The following ARHGEF15 variants were observed in gnomAD, a reference collection of about 807,000 sequenced individuals.
ARHGEF15 encodes Rho guanine nucleotide exchange factor 15.
Under a neutral mutation model 79.7 loss-of-function variants are expected in ARHGEF15, and 58 were observed. The observed-to-expected ratio is 0.73, with a 90% confidence interval of 0.59 to 0.91. ARHGEF15 has a LOEUF of 0.91. ARHGEF15 is among the 40% of genes least tolerant of loss of function. The probability of loss-of-function intolerance (pLI) is 0.00; values close to 1 mark genes in which losing one functional copy is unlikely to be tolerated. For missense variants in ARHGEF15, 1,012 were observed against 1,108.1 expected, an observed-to-expected ratio of 0.91 and a Z score of 1.23; for synonymous variants, 442 against 456.0, an observed-to-expected ratio of 0.97 and a Z score of 0.39.
At chr17:8,311,968 C>T in intron 1 of ARHGEF15, 23 bp from the exon 2 acceptor site, 8 of 1,452,486 alleles carry the variant, frequency 5.5e-6, no homozygotes, top group Non-Finnish European at 7.3e-6. Context: ...AAGGGTCTTT[C>T]TCTTTCCCTC....
intron 9 of ARHGEF15, among the ~76,000 whole-genome samples, chr17:8,317,833 G>A (rs1567678316): frequency 2.6e-5 from 4 of 152,148 alleles, no homozygotes; most frequent in Admixed American, 6.5e-5. Flanking sequence ...TTGGGAGGCC[G>A]AGGCGGGTGG....
Position 8,312,382 on chromosome 17 carries a change from C to A in ARHGEF15, c.343C>A (p.Arg115=). The stretch of plus-strand genomic sequence containing the variant: ...CTCCGCCTCCCCAGAACCTGCTCCC[C>A]GGTCTCCAGTCCCCCCACCCAAGCC... The part of the protein sequence containing the change: ...RRSASPEPAP[R]SPVPPPKPSG... The change falls in exon 2 of 16, where the codon CGG becomes AGG. Residue 115 remains arginine (R), a synonymous_variant. Transcript: ENST00000361926. The A allele has an allele frequency of 1.9e-6, 3 of 1,609,236 alleles. No individual in the cohort carries two copies. Among genetic ancestry groups the A allele is most frequent in the Non-Finnish European group, 2.5e-6 (3 of 1,177,668 alleles).
In ARHGEF15 at chr17:8,320,839, C is replaced by T. The variant is rs1262569468; in HGVS notation, c.2375-3C>T. ...ATTGGAGCCTCTGTCTCTCTTCCCC[C>T]AGGTTGGCTGAAGGGGCTTCCTGGG... On this transcript the variant is annotated splice_region_variant and splice_polypyrimidine_tract_variant and intron_variant, in intron 15 of 15. Coordinates refer to ENST00000361926, the MANE Select transcript of ARHGEF15 (RefSeq NM_173728.4). The T allele has an allele frequency of 6.2e-7, 1 of 1,612,190 alleles. No homozygotes were observed. Among genetic ancestry groups the T allele is most frequent in the South Asian group, 1.1e-5 (1 of 90,994 alleles).
Position 8,318,390 on chromosome 17 carries a change from A to G in ARHGEF15, c.1708A>G (p.Ile570Val). 6.2e-7 allele frequency: 1 copy of G among 1,613,784 alleles called. No homozygotes were observed. The highest frequency in any genetic ancestry group is 1.1e-5 in the South Asian group (1 of 91,062). ...CACCCTTCCTCCTTGTCCCCAGAATATCCTGCGCCAGACAGAAGAGGGGTC... is the reference window on the plus strand; with the variant it reads ...CACCCTTCCTCCTTGTCCCCAGAATGTCCTGCGCCAGACAGAAGAGGGGTC... ...ITRLRMLLQN[I>V]LRQTEEGSSR... is the part of the protein sequence containing the mutation. The change falls in exon 10 of 16, where the codon ATC becomes GTC. Residue 570 changes from isoleucine (I) to valine (V), a missense_variant. Around this residue, in one of 3 missense-constraint regions of ARHGEF15, gnomAD observed 818 missense variants for 882.5 expected, o/e 0.93. Transcript: ENST00000361926. The surrounding 1 kb of genome is among the most constrained non-coding windows in gnomAD (Gnocchi z 5.0).
In ARHGEF15 at chr17:8,321,912, T is replaced by C. The variant is rs185275516; in HGVS notation, c.*919T>C. 2.0e-5 allele frequency: 3 copies of C among 152,720 alleles called. No individual in the cohort carries two copies. Among genetic ancestry groups the C allele is most frequent in the Non-Finnish European group, 2.9e-5 (2 of 68,074 alleles). The allele number at this position is 152,720 out of a possible 1,614,324, so 9.5% of individuals were successfully genotyped here. A position where few individuals can be genotyped will look rare whatever the true frequency, so the allele number is the denominator to read the frequency against. Reference sequence around the variant, plus strand: ...AGCCCAAGGGACTGAAGATGGCCAGTAGCTGGGTCCTGAGGCCCCTGAAGT... The same window carrying C: ...AGCCCAAGGGACTGAAGATGGCCAGCAGCTGGGTCCTGAGGCCCCTGAAGT... On this transcript the variant is annotated 3_prime_UTR_variant, in exon 16 of 16. Coordinates refer to ENST00000361926, the MANE Select transcript of ARHGEF15 (RefSeq NM_173728.4).
At position 8,320,123 on chromosome 17, in the gene ARHGEF15, A is replaced by G. The variant is rs184513366; in HGVS notation, c.2374+520A>G. On this transcript the variant is annotated intron_variant, in intron 15 of 15. Transcript: ENST00000361926. ...CAATAAATATTTATTAAGCACCTAC[A>G]AAGTGCCACTCGCTGTTCTAGGGAC... Among the ~76,000 whole-genome samples, 399 of 152,216 alleles carry G rather than the reference A, an allele frequency of 2.6e-3. 3 individuals are homozygous for G. Among genetic ancestry groups the G allele is most frequent in the African/African-American group, 9.1e-3 (377 of 41,532 alleles).
In ARHGEF15 at chr17:8,315,742, C is replaced by T. The variant is rs746829126; in HGVS notation, c.1422-13C>T. On this transcript the variant is annotated splice_polypyrimidine_tract_variant and intron_variant, in intron 7 of 15. Transcript: ENST00000361926. The surrounding 1 kb of genome is among the most constrained non-coding windows in gnomAD (Gnocchi z 4.3). ...CTGCCCCGCCCCATTGCTTGCTTCCCCAATTCCTTCAGGTTTCTAGCAACG... is the reference window on the plus strand; with the variant it reads ...CTGCCCCGCCCCATTGCTTGCTTCCTCAATTCCTTCAGGTTTCTAGCAACG... 4 of 1,609,568 alleles carry T rather than the reference C, an allele frequency of 2.5e-6. No individual in the cohort carries two copies. In the African/African-American group the frequency reaches 5.3e-5, roughly 22 times the overall value.
At position 8,312,209 on chromosome 17, in the gene ARHGEF15, T is replaced by C; in HGVS notation, c.170T>C (p.Met57Thr). ...AACTCCAATGATGCACCAACCCCAA[T>C]GTGCACCCCCATCTTCTGGGAGCCC... ...PRNSNDAPTPMCTPIFWEPPA... is the reference protein window; with the variant it reads ...PRNSNDAPTPTCTPIFWEPPA... Residue 57 changes from methionine to threonine, a missense_variant, in exon 2 of 16, where the codon ATG (methionine) becomes ACG (threonine). Physicochemically the swap from Met to Thr is moderately conservative, Grantham distance 81. Around this residue, in one of 3 missense-constraint regions of ARHGEF15, gnomAD observed 818 missense variants for 882.5 expected, o/e 0.93. Coordinates refer to ENST00000361926, the MANE Select transcript of ARHGEF15 (RefSeq NM_173728.4). The C allele has an allele frequency of 6.4e-7, 1 of 1,573,752 alleles. No homozygotes were observed. The highest frequency in any genetic ancestry group is 8.6e-7 in the Non-Finnish European group (1 of 1,156,796).
At position 8,313,116 on chromosome 17, in the gene ARHGEF15, T is replaced by C. The variant is rs771035247; in HGVS notation, c.796T>C (p.Tyr266His). The change falls in exon 3 of 16, where the codon TAC (tyrosine) becomes CAC (histidine). Residue 266 changes from tyrosine (Y) to histidine (H), a missense_variant. Coordinates refer to ENST00000361926, the MANE Select transcript of ARHGEF15 (RefSeq NM_173728.4). ...TCACCCTGCCGTTGTCCTCACATCCTACCGCTCCACTGCTGAGCGCAAACT... is the reference window on the plus strand; with the variant it reads ...TCACCCTGCCGTTGTCCTCACATCCCACCGCTCCACTGCTGAGCGCAAACT... Reference protein sequence around the residue: ...IGHPAVVLTSYRSTAERKLLP... With the variant: ...IGHPAVVLTSHRSTAERKLLP... 2 of 1,440,150 alleles carry C rather than the reference T, an allele frequency of 1.4e-6. No individual in the cohort carries two copies. The highest frequency in any genetic ancestry group is 2.8e-5 in the African/African-American group (2 of 70,952). 89.2% of individuals were successfully genotyped at this position (1,440,150 alleles called of 1,614,324 possible).
chr17:8,311,777 A>G (rs549886733), intron 1 of ARHGEF15, among the ~76,000 whole-genome samples: 1 of 151,800 alleles, frequency 6.6e-6, no homozygotes, highest in South Asian at 2.1e-4. Flanking sequence ...CACCCCCTAC[A>G]CAAACCACAC....
At position 8,313,504 on chromosome 17, in the gene ARHGEF15, A is replaced by T. The variant is rs531197696; in HGVS notation, c.938A>T (p.Asp313Val). Residue 313 changes from aspartate to valine, a missense_variant, in exon 4 of 16, where the codon GAC (aspartate) becomes GTC (valine). Asp to Val is a radical substitution (Grantham distance 152). Transcript: ENST00000361926. ...TCACTCTGGCTTCTCTCTCCAGGGG[A>T]CAGTCCTGATGAAGCTCCTCAGAAT... ...LLSEDGIQTGDSPDEAPQNTP... is the reference protein window; with the variant it reads ...LLSEDGIQTGVSPDEAPQNTP... 33 of 1,612,170 alleles carry T rather than the reference A, an allele frequency of 2.0e-5. 1 individual carries two copies. In the South Asian group the frequency reaches 3.5e-4, roughly 17 times the overall value.
In ARHGEF15 at chr17:8,315,032, T is replaced by C; in HGVS notation, c.1049-34T>C. On this transcript the variant is annotated intron_variant, in intron 5 of 15. Transcript: ENST00000361926. The surrounding 1 kb of genome is among the most constrained non-coding windows in gnomAD (Gnocchi z 4.3). Reference sequence around the variant, plus strand: ...GCAGTGGGGAAGGGTTTGGGAGCCCTGGGCTTCCCTGAAGTGCTATGTTTG... The same window carrying C: ...GCAGTGGGGAAGGGTTTGGGAGCCCCGGGCTTCCCTGAAGTGCTATGTTTG... 6.2e-7 allele frequency: 1 copy of C among 1,613,556 alleles called. No individual in the cohort carries two copies. The highest frequency in any genetic ancestry group is 1.1e-5 in the South Asian group (1 of 91,024).
At chr17:8,311,388 C>T (rs1231155494) in intron 1 of ARHGEF15, among the ~76,000 whole-genome samples, 1 of 152,076 alleles carries the variant, frequency 6.6e-6, no homozygotes, top group East Asian at 1.9e-4. Flanking sequence ...AGACGCAGGA[C>T]AGGAGAGACC....
Position 8,311,989 on chromosome 17 carries a change from A to C in ARHGEF15, c.-49-2A>C. 6.8e-7 allele frequency: 1 copy of C among 1,465,254 alleles called. No homozygotes were observed. Among genetic ancestry groups the C allele is most frequent in the Non-Finnish European group, 9.0e-7 (1 of 1,107,788 alleles). 90.8% of individuals were successfully genotyped at this position (1,465,254 alleles called of 1,614,324 possible). The stretch of plus-strand genomic sequence containing the variant: ...CTTTCTCTTTCCCTCCCTCCTCCTC[A>C]GGGGATGACTCCAGCAGAGCACCTC... On this transcript the variant is annotated splice_acceptor_variant, in intron 1 of 15. Coordinates refer to ENST00000361926, the MANE Select transcript of ARHGEF15 (RefSeq NM_173728.4). LOFTEE classifies it low-confidence loss of function (5UTR_SPLICE).
At chr17:8,311,362 G>A (rs1352361050) in intron 1 of ARHGEF15, among the ~76,000 whole-genome samples, 2 of 152,060 alleles carry the variant, frequency 1.3e-5, no homozygotes, top group Non-Finnish European at 2.9e-5. Flanking sequence ...AGACCCTAGG[G>A]CAGGCGGGGA....
chr17:8,315,878 G>A lies in ARHGEF15; in HGVS notation c.1545G>A (p.Gln515=). Residue 515 remains glutamine, a synonymous_variant, in exon 8 of 16, where the codon CAG becomes CAA. Coordinates refer to ENST00000361926, the MANE Select transcript of ARHGEF15 (RefSeq NM_173728.4). The surrounding 1 kb of genome is among the most constrained non-coding windows in gnomAD (Gnocchi z 4.3). The part of the protein sequence containing the change: ...SVYVDYVRNQ[Q]YQEETYSRLM... ...ATGTGGATTATGTGCGGAACCAGCA[G>A]TATCAGGAGGAGACCTACAGCCGCC... 6.2e-7 allele frequency: 1 copy of A among 1,611,288 alleles called. No homozygotes were observed. The highest frequency in any genetic ancestry group is 8.5e-7 in the Non-Finnish European group (1 of 1,179,992).
chr17:8,313,692 C>A, intron 4 of ARHGEF15, 137 bp downstream of exon 4: 1 of 861,724 alleles, frequency 1.2e-6, no homozygotes, highest in Non-Finnish European at 1.8e-6. Flanking sequence ...TAGAGATAAG[C>A]AGCCCTTGTT....
rs749982386 is a variant in ARHGEF15 at position 8,319,480 on chromosome 17, G to A, written c.2270-19G>A. 3.1e-6 allele frequency: 5 copies of A among 1,590,698 alleles called. No homozygotes were observed. In the South Asian group the frequency reaches 3.4e-5, roughly 11 times the overall value. On this transcript the variant is annotated intron_variant, in intron 14 of 15. Coordinates refer to ENST00000361926, the MANE Select transcript of ARHGEF15 (RefSeq NM_173728.4). ...AGAAGCTAAACAGAATCACTTTAAT[G>A]TCACCCACCCCCAACCAGACTGTTC...
In ARHGEF15 at chr17:8,321,135, G is replaced by C; in HGVS notation, c.*142G>C. On this transcript the variant is annotated 3_prime_UTR_variant, in exon 16 of 16. Transcript: ENST00000361926. ...CATAGAGATCGAGCTTCAGGACAGA[G>C]CAGCCAATGAAAACGGCCGCCTGAA... is the stretch of plus-strand genomic sequence containing the variant. The C allele has an allele frequency of 1.6e-6, 2 of 1,232,454 alleles. No homozygotes were observed. 76.3% of individuals were successfully genotyped at this position (1,232,454 alleles called of 1,614,324 possible). A position where few individuals can be genotyped will look rare whatever the true frequency, so the allele number is the denominator to read the frequency against.
Sources: allele counts gnomAD v4.1 joint callset (sites outside exome capture counted in the v4.1 genomes callset), GRCh38; gene constraint gnomAD v4.1.1; regional missense constraint gnomAD v4.1.1; non-coding constraint Gnocchi (gnomAD v3.1); transcripts MANE v1.5; gene names NCBI Gene and HGNC (gene_info 2026-07-23, HGNC 2026-07-21).